ZNF730: variants seen among roughly 807,000 people sequenced by gnomAD.
ZNF730 encodes putative zinc finger protein 730.
ZNF730 carries 12 observed loss-of-function variants against 12.6 expected under a neutral mutation model. The ratio of observed to expected loss-of-function variants is 0.95; its 90% CI spans 0.61 to 1.54. The LOEUF (loss-of-function observed/expected upper bound fraction) is 1.54, where lower values mean the gene tolerates loss of function less well. Among genes scored for constraint, ZNF730 ranks in the 40% most tolerant of loss-of-function variants. ZNF730 has a pLI of 0.00. For synonymous variants in ZNF730, 194 were observed against 195.8 expected, an observed-to-expected ratio of 0.99 and a Z score of 0.08; for missense variants, 643 against 583.5, an observed-to-expected ratio of 1.10 and a Z score of -1.05.
At chr19:23,085,614 G>A (rs1484182880) in intron 1 of ZNF730, among the ~76,000 whole-genome samples, 2 of 137,996 alleles carry the variant, frequency 1.4e-5, no homozygotes, top group African/African-American at 2.7e-5. Flanking sequence ...AGATTGAAGC[G>A]ATTCTCCTGC....
At chr19:23,109,406 CCTTTTTTTT>C (rs1193663239) in intron 1 of ZNF730, among the ~76,000 whole-genome samples, 1 of 148,944 alleles carries the variant, frequency 6.7e-6, no homozygotes, top group Admixed American at 6.7e-5. Context: ...TTTTTTTTTT[CCTTTTTTTT>C]CTTTTTTTTT....
intron 1 of ZNF730, among the ~76,000 whole-genome samples, chr19:23,128,970 C>T (rs1970707806): frequency 6.6e-6 from 1 of 152,124 alleles, no homozygotes; most frequent in South Asian, 2.1e-4. Flanking sequence ...AGAGCTCAGG[C>T]TGTTGTTTCA....
chr19:23,106,610 G>A (rs1344937731), intron 1 of ZNF730, among the ~76,000 whole-genome samples: 2 of 151,908 alleles, frequency 1.3e-5, no homozygotes, highest in Non-Finnish European at 2.9e-5. Flanking sequence ...TGACCAACAT[G>A]GAGAAACCCC....
At chr19:23,097,801 C>T (rs1970277453) in intron 1 of ZNF730, among the ~76,000 whole-genome samples, 1 of 152,102 alleles carries the variant, frequency 6.6e-6, no homozygotes, top group African/African-American at 2.4e-5. Flanking sequence ...CTTGACTCAG[C>T]ACATAGGTGA....
upstream of ZNF730, among the ~76,000 whole-genome samples, chr19:23,112,613 C>T (rs923486862): frequency 6.6e-6 from 1 of 151,870 alleles, no homozygotes; most frequent in Non-Finnish European, 1.5e-5. Flanking sequence ...CCCAGCTACT[C>T]GTGGGAGACT....
rs936926574 is a variant in ZNF730 at position 23,105,899 on chromosome 19, T to A, written c.-93-28181T>A. Among the ~76,000 whole-genome samples the A allele has an allele frequency of 2.6e-5, 4 of 152,338 alleles. No homozygotes were observed. The South Asian group carries it at 8.3e-4, about 32-fold the overall frequency. ...TTATTGATCTACGCCACAGTATGCA[T>A]GAGTCAGACATGCATTTCCTTCAGT... On this transcript the variant is annotated intron_variant, in intron 1 of 2. Transcript: ENST00000593635.
upstream of ZNF730, among the ~76,000 whole-genome samples, chr19:23,112,130 ATC>A (rs1346145020): frequency 6.6e-6 from 1 of 152,152 alleles, no homozygotes; most frequent in African/African-American, 2.4e-5. Context: ...TGGGTTGATA[ATC>A]TCACAACTTA....
intron 2 of ZNF730, among the ~76,000 whole-genome samples, chr19:23,135,045 T>C (rs1970807026): frequency 7.9e-6 from 1 of 125,930 alleles, no homozygotes; most frequent in Non-Finnish European, 1.6e-5. Context: ...TTAAGAGTCA[T>C]CACCACTCCC....
chr19:23,096,025 C>T (rs1407152903), intron 1 of ZNF730, among the ~76,000 whole-genome samples: 1 of 152,076 alleles, frequency 6.6e-6, no homozygotes, highest in East Asian at 1.9e-4. Context: ...CAAGATACGA[C>T]TCTCTTCTTA....
Position 23,145,833 on chromosome 19 carries a change from A to T in ZNF730, c.789A>T (p.Lys263Asn), listed in dbSNP as rs752815917. Residue 263 changes from lysine (K) to asparagine (N), a missense_variant, in exon 4 of 4, where the codon AAA becomes AAT. Physicochemically the swap from Lys to Asn is moderately conservative, Grantham distance 94. Transcript: ENST00000597761. ...EKPYQCEKCG[K>N]FFNQSTNLTT... is the part of the protein sequence containing the mutation. ...CCTACCAATGTGAGAAATGTGGCAA[A>T]TTTTTTAACCAATCCACAAACCTTA... The T allele has an allele frequency of 3.1e-6, 5 of 1,602,616 alleles. No homozygotes were observed. In the Admixed American group the frequency reaches 6.9e-5, roughly 22 times the overall value.
chr19:23,128,359 G>C, intron 1 of ZNF730: 1 of 510,702 alleles, frequency 2.0e-6, no homozygotes, highest in East Asian at 4.0e-5. Flanking sequence ...AAACAAAAGC[G>C]TAACTCCAGA....
At chr19:23,129,245 A>G (rs924396087) in intron 1 of ZNF730, among the ~76,000 whole-genome samples, 21 of 152,124 alleles carry the variant, frequency 1.4e-4, no homozygotes, top group Non-Finnish European at 2.4e-4. Flanking sequence ...GAAGAGGGCC[A>G]TTGTCCTCCA....
chr19:23,127,087 G>A (rs1002319984), intron 1 of ZNF730: 3 of 515,188 alleles, frequency 5.8e-6, no homozygotes, highest in Non-Finnish European at 1.2e-5. Flanking sequence ...GCACTTTTGT[G>A]GGATCTTGTC....
At chr19:23,111,227 G>A (rs958633470) in intron 1 of ZNF730, among the ~76,000 whole-genome samples, 3 of 152,112 alleles carry the variant, frequency 2.0e-5, no homozygotes, top group South Asian at 2.1e-4. Flanking sequence ...ATCCCAATAA[G>A]ACAATCAAAA....
rs1970861533 is a variant in ZNF730 at position 23,138,283 on chromosome 19, A to G, written c.226+2240A>G. On this transcript the variant is annotated intron_variant, in intron 3 of 3. Transcript: ENST00000597761. The stretch of plus-strand genomic sequence containing the variant: ...GGGCGACAGAGCGAGACTCCGTCTC[A>G]AAAAAAAAAAAAAAAAAAAAGAAAA... Among the ~76,000 whole-genome samples, 2 of 12,076 alleles carry G rather than the reference A, an allele frequency of 1.7e-4. 1 individual carries two copies. The highest frequency in any genetic ancestry group is 9.8e-3 in the South Asian group (2 of 204). 7.9% of individuals were successfully genotyped at this position (12,076 alleles called of 152,430 possible).
intron 1 of ZNF730, among the ~76,000 whole-genome samples, chr19:23,092,385 G>A (rs987542346): frequency 6.7e-6 from 1 of 148,530 alleles, no homozygotes; most frequent in African/African-American, 2.5e-5. Context: ...ACCTGAGGTT[G>A]GGAGTTCGAG....
At position 23,134,414 on chromosome 19, in the gene ZNF730, C is replaced by T. The variant is rs1388279938; in HGVS notation, c.130+208C>T. 5.4e-5 allele frequency among the ~76,000 whole-genome samples: 8 copies of T among 147,176 alleles called. 1 individual carries two copies. Among genetic ancestry groups the T allele is most frequent in the African/African-American group, 2.0e-4 (8 of 40,062 alleles). ...GGGGTCAGCCCCCCGCCCGGCCAGCCGCCCAGTCCGGGAGGGAGGCGGAGG... is the reference window on the plus strand; with the variant it reads ...GGGGTCAGCCCCCCGCCCGGCCAGCTGCCCAGTCCGGGAGGGAGGCGGAGG... On this transcript the variant is annotated intron_variant, in intron 2 of 3. Coordinates refer to ENST00000597761, the MANE Select transcript of ZNF730 (RefSeq NM_001277403.2).
chr19:23,076,971 TGTG>T (rs1313705026), intron 1 of ZNF730, among the ~76,000 whole-genome samples: 1 of 152,008 alleles, frequency 6.6e-6, no homozygotes, highest in African/African-American at 2.4e-5. Flanking sequence ...ATAAAGAAAA[TGTG>T]GTACATATAC....
chr19:23,107,982 A>T (rs1364715084), intron 1 of ZNF730, among the ~76,000 whole-genome samples: 1 of 152,104 alleles, frequency 6.6e-6, no homozygotes, highest in Non-Finnish European at 1.5e-5. Flanking sequence ...GCCAACGCCG[A>T]GGCACCTAGC....
Sources: allele counts gnomAD v4.1 joint callset (sites outside exome capture counted in the v4.1 genomes callset), GRCh38; gene constraint gnomAD v4.1.1; transcripts MANE v1.5; gene names NCBI Gene and HGNC (gene_info 2026-07-23, HGNC 2026-07-21).